The following KCNMA1 variants were observed in gnomAD, a reference collection of about 807,000 sequenced individuals.
KCNMA1 encodes potassium calcium-activated channel subfamily M alpha 1.
KCNMA1 carries 29 observed loss-of-function variants against 140.0 expected under a neutral mutation model. The ratio of observed to expected loss-of-function variants is 0.21; its 90% CI spans 0.15 to 0.28. The LOEUF is 0.28. Ranked by LOEUF, KCNMA1 falls within the 10% of genes least tolerant of loss-of-function variation. KCNMA1 has a pLI of 1.00. For missense variants in KCNMA1, 880 were observed against 1,602.2 expected, an observed-to-expected ratio of 0.55 and a Z score of 7.70; for synonymous variants, 612 against 611.9, an observed-to-expected ratio of 1.00 and a Z score of 0.00.
intron 5 of KCNMA1, among the ~76,000 whole-genome samples, chr10:77,178,692 C>T (rs976717528): frequency 6.6e-5 from 10 of 151,932 alleles, no homozygotes; most frequent in African/African-American, 1.9e-4. Context: ...GCAACAAGGG[C>T]GAAACTCCAA....
At chr10:76,882,423 T>A (rs2035033894), downstream of KCNMA1, among the ~76,000 whole-genome samples, 1 of 152,152 alleles carries the variant, frequency 6.6e-6, no homozygotes, top group South Asian at 2.1e-4. Context: ...TGTGGTTTCC[T>A]GTCCCGCGCT....
intron 5 of KCNMA1, among the ~76,000 whole-genome samples, chr10:77,172,053 G>A (rs1391874770): frequency 6.6e-6 from 1 of 152,200 alleles, no homozygotes; most frequent in Non-Finnish European, 1.5e-5. Context: ...GCTGAATAAT[G>A]CAGTCGAATC....
At chr10:77,131,334 G>A (rs370991110) in intron 5 of KCNMA1, among the ~76,000 whole-genome samples, 82 of 152,270 alleles carry the variant, frequency 5.4e-4, no homozygotes, top group African/African-American at 1.9e-3. Context: ...GGCCAAGCAC[G>A]GTGGCTCATG....
intron 14 of KCNMA1, among the ~76,000 whole-genome samples, chr10:77,052,240 T>C (rs1291054205): frequency 6.6e-6 from 1 of 152,186 alleles, no homozygotes; most frequent in Non-Finnish European, 1.5e-5. Context: ...AGCAATATTC[T>C]CTGGAGGTCC....
At chr10:77,563,118 G>A (rs976823797) in intron 1 of KCNMA1, among the ~76,000 whole-genome samples, 1 of 152,010 alleles carries the variant, frequency 6.6e-6, no homozygotes, top group African/African-American at 2.4e-5. Flanking sequence ...GAAACACATG[G>A]TAAGATTCTT....
intron 25 of KCNMA1, among the ~76,000 whole-genome samples, chr10:76,898,065 C>A (rs1359350280): frequency 6.6e-6 from 1 of 151,598 alleles, no homozygotes; most frequent in Non-Finnish European, 1.5e-5. Flanking sequence ...ATGATAGAAG[C>A]ATGTAAAAAA....
intron 14 of KCNMA1, among the ~76,000 whole-genome samples, chr10:77,068,852 AACACACACACACACACACAC>A (rs147592319): frequency 0.037 from 4,926 of 133,790 alleles, 122 homozygotes; most frequent in South Asian, 0.061. Flanking sequence ...TCACCCTCTA[AACACACACACACACACACAC>A]ACACACACAC....
chr10:77,232,126 T>C (rs1046739683), intron 3 of KCNMA1, among the ~76,000 whole-genome samples: 6 of 152,252 alleles, frequency 3.9e-5, no homozygotes, highest in Non-Finnish European at 8.8e-5. Context: ...CATTCCTTTT[T>C]ATAGCCAAAT....
intron 1 of KCNMA1, among the ~76,000 whole-genome samples, chr10:77,436,011 G>A (rs1462928774): frequency 6.6e-6 from 1 of 152,212 alleles, no homozygotes; most frequent in Non-Finnish European, 1.5e-5. Context: ...CCACCACTTT[G>A]TGAAGTTCAG....
At chr10:76,937,053 T>C (rs74680575) in intron 23 of KCNMA1, among the ~76,000 whole-genome samples, 1,586 of 152,240 alleles carry the variant, frequency 0.01, 24 homozygotes, top group African/African-American at 0.034. Flanking sequence ...AGAACTCATC[T>C]CTCTACCAAT....
intron 19 of KCNMA1, among the ~76,000 whole-genome samples, chr10:76,997,712 C>A (rs2084846604): frequency 6.6e-6 from 1 of 152,194 alleles, no homozygotes; most frequent in African/African-American, 2.4e-5. Context: ...TATTTATGTG[C>A]ATGTGTATGT....
chr10:77,129,698 GA>G lies in KCNMA1; in HGVS notation c.809-8651del, dbSNP rs140895891. On this transcript the variant is annotated intron_variant, in intron 5 of 27. Coordinates refer to ENST00000286628, the MANE Select transcript of KCNMA1 (RefSeq NM_001161352.2). ...AAATAACCAGAAAACCAATAAATATGAAAAAAAATTTTAAAAATCTGTAGAA... is the reference window on the plus strand; with the variant it reads ...AAATAACCAGAAAACCAATAAATATGAAAAAAATTTTAAAAATCTGTAGAA... Among the ~76,000 whole-genome samples, 1,247 of 151,598 alleles carry G rather than the reference GA, an allele frequency of 8.2e-3. 15 individuals are homozygous for G. The highest frequency in any genetic ancestry group is 0.028 in the African/African-American group (1,173 of 41,378).
In KCNMA1 at chr10:77,637,737, T is replaced by TGCC. The variant is rs1555529239; in HGVS notation, c.-96_-95insGGC. ...CCATCAACAGCCATATTGCTGCTAC[T>TGCC]GCTGCCGCCGCCGCCGCCGCCGCGG... On this transcript the variant is annotated 5_prime_UTR_variant, in exon 1 of 28. Transcript: ENST00000286628. 7.7e-7 allele frequency: 1 copy of TGCC among 1,304,854 alleles called. No individual in the cohort carries two copies. The allele number at this position is 1,304,854 out of a possible 1,614,324, so 80.8% of individuals were successfully genotyped here.
At chr10:77,637,214 C>G in intron 1 of KCNMA1, 51 bp downstream of exon 1, 1 of 1,508,094 alleles carries the variant, frequency 6.6e-7, no homozygotes, top group East Asian at 2.4e-5. Flanking sequence ...CAGGGGACGC[C>G]GAGAAGCGGT....
intron 1 of KCNMA1, among the ~76,000 whole-genome samples, chr10:77,529,567 T>C (rs904228464): frequency 6.6e-6 from 1 of 152,060 alleles, no homozygotes; most frequent in African/African-American, 2.4e-5. Flanking sequence ...CTTATACCCT[T>C]AGAGCCGAGC....
intron 19 of KCNMA1, among the ~76,000 whole-genome samples, chr10:76,992,072 G>C (rs2082928198): frequency 6.6e-6 from 1 of 152,194 alleles, no homozygotes; most frequent in Admixed American, 6.5e-5. Flanking sequence ...TGCAGCTCTA[G>C]GAACATTTGG....
At chr10:77,290,690 G>C (rs523611) in intron 2 of KCNMA1, among the ~76,000 whole-genome samples, 71,261 of 151,940 alleles carry the variant, frequency 0.47, 18,050 homozygotes, top group Non-Finnish European at 0.57. Flanking sequence ...ATTCTGATCT[G>C]GCGGGAAATT....
intron 3 of KCNMA1, among the ~76,000 whole-genome samples, chr10:77,190,444 C>T (rs549019742): frequency 7.2e-5 from 11 of 152,196 alleles, no homozygotes; most frequent in South Asian, 2.1e-4. Context: ...GGATAGAGAC[C>T]CACTAGCCTT....
In KCNMA1 at chr10:76,990,145, G is replaced by C. The variant is rs182632365; in HGVS notation, c.2266+11262C>G. Among the ~76,000 whole-genome samples the C allele has an allele frequency of 3.3e-4, 51 of 152,320 alleles. No individual in the cohort carries two copies. In the East Asian group the frequency reaches 8.9e-3, roughly 27 times the overall value. On this transcript the variant is annotated intron_variant, in intron 19 of 27. Transcript: ENST00000286628. ...TCAAAGTCACATGGTAGTAGGACATGATGTCTATGCTGGGGATGCCTAGAT... is the reference window on the plus strand; with the variant it reads ...TCAAAGTCACATGGTAGTAGGACATCATGTCTATGCTGGGGATGCCTAGAT...
Sources: gnomAD v4.1 joint callset for allele counts (sites outside exome capture counted in the v4.1 genomes callset) on GRCh38, gnomAD v4.1.1 for gene constraint, MANE v1.5 for transcripts, NCBI Gene and HGNC (gene_info 2026-07-23, HGNC 2026-07-21) for gene names.